The following SNTB2 variants were observed in gnomAD, a reference collection of about 807,000 sequenced individuals.
The protein encoded by SNTB2 is syntrophin beta 2.
SNTB2 carries 34 observed loss-of-function variants against 46.2 expected under a neutral mutation model. The ratio of observed to expected loss-of-function variants is 0.74; its 90% CI spans 0.56 to 0.98. The LOEUF (loss-of-function observed/expected upper bound fraction) is 0.98, where lower values mean the gene tolerates loss of function less well. Ranked by LOEUF, SNTB2 falls within the 50% of genes least tolerant of loss-of-function variation. The pLI, the probability that SNTB2 is intolerant of heterozygous loss-of-function variation, is 0.00. For synonymous variants in SNTB2, 290 were observed against 312.6 expected, an observed-to-expected ratio of 0.93 and a Z score of 0.76; for missense variants, 603 against 731.4, an observed-to-expected ratio of 0.82 and a Z score of 2.02.
intron 1 of SNTB2, among the ~76,000 whole-genome samples, chr16:69,235,231 C>T (rs543483812): frequency 2.6e-4 from 40 of 151,974 alleles, no homozygotes; most frequent in African/African-American, 8.7e-4. Flanking sequence ...CCACCGTTCC[C>T]GGACTTCAAC....
rs899465676 is a variant in SNTB2, at chr16:69,260,097, G to T, written c.842G>T (p.Arg281Leu). The T allele has an allele frequency of 6.2e-7, 1 of 1,613,288 alleles. No homozygotes were observed. Among genetic ancestry groups the T allele is most frequent in the Non-Finnish European group, 8.5e-7 (1 of 1,179,924 alleles). The change falls in exon 3 of 7, where the codon CGC (arginine) becomes CTC (leucine). Residue 281 changes from arginine (R) to leucine (L), a missense_variant. Coordinates refer to ENST00000336278, the MANE Select transcript of SNTB2 (RefSeq NM_006750.4). ...SPDSRNTLIL[R>L]CKDTATAHSW... ...GATAGCAGGAACACGTTGATCCTAC[G>T]CTGCAAAGATACAGCCACAGCACAC...
At chr16:69,225,037 G>A (rs749038239) in intron 1 of SNTB2, among the ~76,000 whole-genome samples, 8 of 152,150 alleles carry the variant, frequency 5.3e-5, no homozygotes, top group South Asian at 4.1e-4. Flanking sequence ...GAAAGAACAC[G>A]AAGACATCTT....
chr16:69,215,137 C>T (rs907015130), intron 1 of SNTB2, among the ~76,000 whole-genome samples: 4 of 152,204 alleles, frequency 2.6e-5, no homozygotes, highest in Admixed American at 6.5e-5. Context: ...GGATTACAGA[C>T]GTGAGCCACT....
intron 2 of SNTB2, among the ~76,000 whole-genome samples, chr16:69,250,537 C>T (rs1243701789): frequency 6.6e-6 from 1 of 152,138 alleles, no homozygotes; most frequent in African/African-American, 2.4e-5. Flanking sequence ...CTCTGTCCTC[C>T]TGTTTTCTCT....
At chr16:69,287,152 A>G (rs919471433) in intron 5 of SNTB2, among the ~76,000 whole-genome samples, 1 of 152,208 alleles carries the variant, frequency 6.6e-6, no homozygotes, top group Non-Finnish European at 1.5e-5. Context: ...GTTAGTTGTC[A>G]TGAATTTGGA....
intron 1 of SNTB2, among the ~76,000 whole-genome samples, chr16:69,214,190 G>C (rs993534858): frequency 2.0e-4 from 30 of 151,128 alleles, no homozygotes; most frequent in Non-Finnish European, 4.3e-4. Context: ...GAGTGCAGTG[G>C]TGTGATCTCG....
chr16:69,266,612 CCTT>C (rs1431886191), intron 3 of SNTB2, among the ~76,000 whole-genome samples: 1 of 152,180 alleles, frequency 6.6e-6, no homozygotes, highest in Non-Finnish European at 1.5e-5. Flanking sequence ...GCTCAAAATA[CCTT>C]CTTTGGAAAG....
chr16:69,215,443 T>C (rs1964337194), intron 1 of SNTB2, among the ~76,000 whole-genome samples: 1 of 152,200 alleles, frequency 6.6e-6, no homozygotes, highest in Non-Finnish European at 1.5e-5. Flanking sequence ...TTATGGTTCA[T>C]ACGTGTATGT....
intron 1 of SNTB2, among the ~76,000 whole-genome samples, chr16:69,204,344 G>T (rs1437758924): frequency 2.0e-5 from 3 of 152,210 alleles, no homozygotes; most frequent in African/African-American, 7.2e-5. Flanking sequence ...AGAAGCACCA[G>T]AAGTCTCCCA....
In SNTB2 at chr16:69,284,147, C is replaced by T. The variant is rs1204142634; in HGVS notation, c.1248C>T (p.Leu416=). 4.4e-5 allele frequency: 71 copies of T among 1,613,898 alleles called. No individual in the cohort carries two copies. The highest frequency in any genetic ancestry group is 6.0e-5 in the Non-Finnish European group (71 of 1,180,012). ...CTCGACAGGGCATTGAGATGCATCTCTTCAGGGTGGAGACACATCGGGATC... is the reference window on the plus strand; with the variant it reads ...CTCGACAGGGCATTGAGATGCATCTTTTCAGGGTGGAGACACATCGGGATC... ...TGSRQGIEMH[L]FRVETHRDLS... The change falls in exon 5 of 7, where the codon CTC becomes CTT. Residue 416 remains leucine, a synonymous_variant. Transcript: ENST00000336278.
chr16:69,195,133 ACAACAAAAGTATATAGAGCT>A (rs1223707131), intron 1 of SNTB2, among the ~76,000 whole-genome samples: 13 of 152,340 alleles, frequency 8.5e-5, no homozygotes, highest in East Asian at 3.9e-4. Context: ...TATAGGTAGA[ACAACAAAAGTATATAGAGCT>A]CAACAAAAGT....
intron 4 of SNTB2, among the ~76,000 whole-genome samples, chr16:69,279,970 A>G (rs1202219107): frequency 1.3e-5 from 2 of 152,226 alleles, no homozygotes; most frequent in African/African-American, 4.8e-5. Flanking sequence ...AAACAAGTGA[A>G]CAAAGGTCTC....
intron 1 of SNTB2, among the ~76,000 whole-genome samples, chr16:69,216,117 C>T (rs1964344748): frequency 6.6e-6 from 1 of 152,152 alleles, no homozygotes. Context: ...GCACCCAGCC[C>T]ATTATGTATA....
chr16:69,269,526 A>T (rs1041669758), intron 3 of SNTB2, among the ~76,000 whole-genome samples: 1 of 152,032 alleles, frequency 6.6e-6, no homozygotes, highest in African/African-American at 2.4e-5. Flanking sequence ...AAAAAAAAAA[A>T]GATAGATGTT....
intron 1 of SNTB2, among the ~76,000 whole-genome samples, chr16:69,204,149 T>A (rs1484077966): frequency 1.4e-5 from 2 of 138,114 alleles, no homozygotes; most frequent in African/African-American, 2.9e-5. Context: ...AGCCTCAGTT[T>A]CCCAAATGCT....
At chr16:69,263,958 T>TC (rs1231759994) in intron 3 of SNTB2, among the ~76,000 whole-genome samples, 1 of 151,180 alleles carries the variant, frequency 6.6e-6, no homozygotes, top group Non-Finnish European at 1.5e-5. Context: ...AAGCTCCGCC[T>TC]CCCAAAAAAA....
chr16:69,232,846 G>T (rs980285981), intron 1 of SNTB2, among the ~76,000 whole-genome samples: 1 of 152,074 alleles, frequency 6.6e-6, no homozygotes, highest in Non-Finnish European at 1.5e-5. Context: ...AATTTTAATT[G>T]CTGGGGACAA....
intron 1 of SNTB2, 115 bp from the exon 2 acceptor site, chr16:69,245,487 G>T: frequency 9.7e-7 from 1 of 1,035,364 alleles, no homozygotes; most frequent in Non-Finnish European, 1.5e-6. Context: ...GAGCCACCGC[G>T]CCCAGCTCTT....
At chr16:69,286,843 C>T (rs1965108095) in intron 5 of SNTB2, among the ~76,000 whole-genome samples, 1 of 152,192 alleles carries the variant, frequency 6.6e-6, no homozygotes, top group African/African-American at 2.4e-5. Flanking sequence ...TGAATAGCCA[C>T]TGTACTCCAG....
Sources: gnomAD v4.1 joint callset for allele counts (sites outside exome capture counted in the v4.1 genomes callset) on GRCh38, gnomAD v4.1.1 for gene constraint, MANE v1.5 for transcripts, NCBI Gene and HGNC (gene_info 2026-07-23, HGNC 2026-07-21) for gene names.